Variants in GAB1 observed in about 807,000 individuals in gnomAD.
The protein encoded by GAB1 is GRB2 associated binding protein 1.
A neutral mutation model predicts 66.5 loss-of-function variants in GAB1; 19 were observed. The ratio of observed to expected loss-of-function variants is 0.29; its 90% CI spans 0.20 to 0.42. GAB1 has a LOEUF of 0.42. Among genes scored for constraint, GAB1 ranks in the 10% least tolerant of loss-of-function variants. The pLI is 1.00. For missense variants in GAB1, 732 were observed against 858.5 expected (o/e 0.85, Z 1.84); for synonymous variants, 294 against 301.4 (o/e 0.98, Z 0.25).
chr4:143,449,144 G>T (rs1299678270), intron 6 of GAB1, among the ~76,000 whole-genome samples: 1 of 143,476 alleles, frequency 7.0e-6, no homozygotes, highest in Non-Finnish European at 1.5e-5. Flanking sequence ...ATTGCACTGT[G>T]GTCTGAGAGA....
At chr4:143,380,930 T>G (rs550125610) in intron 1 of GAB1, among the ~76,000 whole-genome samples, 1 of 152,352 alleles carries the variant, frequency 6.6e-6, no homozygotes, top group Non-Finnish European at 1.5e-5. Flanking sequence ...TGCTGTTGTG[T>G]TGGAATTTTA....
rs1373596175 is a variant in GAB1 at position 143,469,998 on chromosome 4, C to T, written c.*809C>T. The stretch of plus-strand genomic sequence containing the variant: ...TATTTGCAAAAGGTAGATTATGTAA[C>T]CAATCAGGTACGTACCAGGCAGTGA... On this transcript the variant is annotated 3_prime_UTR_variant, in exon 10 of 10. Coordinates refer to ENST00000262994, the MANE Select transcript of GAB1 (RefSeq NM_002039.4). 4 of 152,548 alleles carry T rather than the reference C, an allele frequency of 2.6e-5. No homozygotes were observed. The highest frequency in any genetic ancestry group is 5.9e-5 in the Non-Finnish European group (4 of 68,034). The allele number at this position is 152,548 out of a possible 1,614,324, so 9.4% of individuals were successfully genotyped here. A position where few individuals can be genotyped will look rare whatever the true frequency, so the allele number is the denominator to read the frequency against.
intron 1 of GAB1, among the ~76,000 whole-genome samples, chr4:143,407,331 T>A (rs1732102386): frequency 6.6e-6 from 1 of 152,056 alleles, no homozygotes; most frequent in South Asian, 2.1e-4. Context: ...AGGCATTAAT[T>A]TAGCAGTAAT....
At chr4:143,377,221 T>G (rs1022281845) in intron 1 of GAB1, among the ~76,000 whole-genome samples, 1 of 152,126 alleles carries the variant, frequency 6.6e-6, no homozygotes, top group East Asian at 1.9e-4. Flanking sequence ...CCAAGTACTA[T>G]AAAAAGCATC....
At position 143,457,704 on chromosome 4, in the gene GAB1, T is replaced by C. The variant is rs768184236; in HGVS notation, c.1586-1681T>C. 7.1e-6 allele frequency: 11 copies of C among 1,549,442 alleles called. No homozygotes were observed. The East Asian group carries it at 2.2e-4, about 30-fold the overall frequency. ...GGTCAAAGTCCTAAAATTTTAAGACTCAAACCCCATGGTTTAGAGCGAACT... is the reference window on the plus strand; with the variant it reads ...GGTCAAAGTCCTAAAATTTTAAGACCCAAACCCCATGGTTTAGAGCGAACT... On this transcript the variant is annotated intron_variant, in intron 6 of 9. Coordinates refer to ENST00000262994, the MANE Select transcript of GAB1 (RefSeq NM_002039.4).
intron 1 of GAB1, among the ~76,000 whole-genome samples, chr4:143,412,016 G>A (rs1441760186): frequency 1.3e-5 from 2 of 152,182 alleles, no homozygotes; most frequent in African/African-American, 4.8e-5. Context: ...AAGGGTTCAC[G>A]TCTTGTATAA....
At chr4:143,394,306 A>C (rs1731332183) in intron 1 of GAB1, among the ~76,000 whole-genome samples, 2 of 152,126 alleles carry the variant, frequency 1.3e-5, no homozygotes, top group Non-Finnish European at 2.9e-5. Flanking sequence ...GGTAGTCAGC[A>C]GAAGAGGAGA....
At chr4:143,425,396 C>G (rs1262542803) in intron 2 of GAB1, 1 of 759,270 alleles carries the variant, frequency 1.3e-6, no homozygotes, top group Non-Finnish European at 2.4e-6. Flanking sequence ...CTTCTGGGAG[C>G]CATGGCTTCT....
chr4:143,460,246 T>C, intron 7 of GAB1, 118 bp from the exon 8 acceptor site: 1 of 918,948 alleles, frequency 1.1e-6, no homozygotes, highest in African/African-American at 1.6e-5. Context: ...CAATGAATGA[T>C]TATAAACATA....
At chr4:143,368,787 A>G (rs1016639641) in intron 1 of GAB1, among the ~76,000 whole-genome samples, 2 of 152,166 alleles carry the variant, frequency 1.3e-5, no homozygotes, top group African/African-American at 4.8e-5. Context: ...ACAGCAGGCC[A>G]TATAAAGAAA....
chr4:143,444,831 C>T (rs1464713824), intron 6 of GAB1, among the ~76,000 whole-genome samples: 4 of 152,144 alleles, frequency 2.6e-5, no homozygotes, highest in Non-Finnish European at 5.9e-5. Flanking sequence ...GTTTAGCTCT[C>T]ACTTGTAAGT....
intron 1 of GAB1, among the ~76,000 whole-genome samples, chr4:143,409,382 A>AC (rs1225744328): frequency 2.8e-5 from 4 of 144,746 alleles, no homozygotes; most frequent in African/African-American, 5.3e-5. Flanking sequence ...ACAACTTTGA[A>AC]CTTTCCCCCC....
chr4:143,392,056 T>A (rs1731212984), intron 1 of GAB1, among the ~76,000 whole-genome samples: 1 of 152,228 alleles, frequency 6.6e-6, no homozygotes, highest in African/African-American at 2.4e-5. Flanking sequence ...ATACACTACA[T>A]GCTTTTGTGT....
intron 1 of GAB1, among the ~76,000 whole-genome samples, chr4:143,405,178 G>C (rs1281263644): frequency 6.6e-6 from 1 of 152,072 alleles, no homozygotes; most frequent in African/African-American, 2.4e-5. Flanking sequence ...TCTACCCTCT[G>C]AGAGACTGGG....
At chr4:143,455,340 C>T (rs28925927) in intron 6 of GAB1, among the ~76,000 whole-genome samples, 257 of 152,264 alleles carry the variant, frequency 1.7e-3, no homozygotes, top group African/African-American at 6.0e-3. Context: ...ACCTGTCAGG[C>T]AGTTGGAAGG....
chr4:143,415,910 C>T (rs750397994), intron 2 of GAB1, 139 bp downstream of exon 2: 113 of 700,382 alleles, frequency 1.6e-4, no homozygotes, highest in Non-Finnish European at 2.3e-4. Context: ...TTGGAAAAAG[C>T]ACTGAATCCT....
At position 143,460,348 on chromosome 4, in the gene GAB1, T is replaced by C. The variant is rs766554738; in HGVS notation, c.1680-16T>C. 113 of 1,612,960 alleles carry C rather than the reference T, an allele frequency of 7.0e-5. No individual in the cohort carries two copies. In the South Asian group the frequency reaches 1.2e-3, roughly 17 times the overall value. ...TTGTCAAGGCTTATGTTTGTGATGATAATTTCTGTAATTAGCTCTTCCAGG... is the reference window on the plus strand; with the variant it reads ...TTGTCAAGGCTTATGTTTGTGATGACAATTTCTGTAATTAGCTCTTCCAGG... On this transcript the variant is annotated splice_polypyrimidine_tract_variant and intron_variant, in intron 7 of 9. Coordinates refer to ENST00000262994, the MANE Select transcript of GAB1 (RefSeq NM_002039.4).
Position 143,469,212 on chromosome 4 carries a change from A to T in GAB1, c.*23A>T. 6.2e-7 allele frequency: 1 copy of T among 1,610,862 alleles called. No individual in the cohort carries two copies. Among genetic ancestry groups the T allele is most frequent in the East Asian group, 2.2e-5 (1 of 44,806 alleles). On this transcript the variant is annotated 3_prime_UTR_variant, in exon 10 of 10. Transcript: ENST00000262994. ...TGAAAATATTGCCTTGCCATTTCTG[A>T]ACAAAAGAAAACTGAATTGTAAAGA...
intron 1 of GAB1, among the ~76,000 whole-genome samples, chr4:143,402,057 G>A (rs1208280028): frequency 7.3e-6 from 1 of 136,742 alleles, no homozygotes; most frequent in Admixed American, 7.3e-5. Flanking sequence ...TATGTTTGCA[G>A]GGTTTTTTTT....
Sources: allele counts gnomAD v4.1 joint callset (sites outside exome capture counted in the v4.1 genomes callset), GRCh38; gene constraint gnomAD v4.1.1; transcripts MANE v1.5; gene names NCBI Gene and HGNC (gene_info 2026-07-23, HGNC 2026-07-21).